CDH18: variants seen among roughly 807,000 people sequenced by gnomAD.
CDH18 encodes cadherin-18.
Under a neutral mutation model 67.9 loss-of-function variants are expected in CDH18, and 31 were observed. That is an observed-to-expected ratio of 0.46 (90% CI 0.34 to 0.62). The LOEUF (loss-of-function observed/expected upper bound fraction) is 0.62. CDH18 is among the 20% of genes least tolerant of loss of function. CDH18 has a pLI of 0.01. For missense variants in CDH18, 890 were observed against 975.5 expected, an observed-to-expected ratio of 0.91 and a Z score of 1.17; for synonymous variants, 362 against 347.2, an observed-to-expected ratio of 1.04 and a Z score of -0.48.
At chr5:19,839,694 T>C (rs1782059852) in intron 2 of CDH18, among the ~76,000 whole-genome samples, 1 of 152,108 alleles carries the variant, frequency 6.6e-6, no homozygotes, top group East Asian at 1.9e-4. Flanking sequence ...TTAAAATTAC[T>C]CCAGGTTTGG....
At chr5:19,937,006 G>A (rs1197058036) in intron 2 of CDH18, among the ~76,000 whole-genome samples, 1 of 151,106 alleles carries the variant, frequency 6.6e-6, no homozygotes, top group South Asian at 2.1e-4. Flanking sequence ...CTCTTTTCAA[G>A]TATTTATGTA....
chr5:20,379,793 GA>G (rs144337391), intron 1 of CDH18, among the ~76,000 whole-genome samples: 290 of 143,402 alleles, frequency 2.0e-3, no homozygotes, highest in African/African-American at 6.7e-3. Context: ...AGACAAATAT[GA>G]AAAAAAAACA....
chr5:20,080,598 T>C (rs1482853775), intron 2 of CDH18, among the ~76,000 whole-genome samples: 1 of 152,162 alleles, frequency 6.6e-6, no homozygotes, highest in Non-Finnish European at 1.5e-5. Flanking sequence ...CCTGAAATGA[T>C]TACATATTTA....
Position 19,715,300 on chromosome 5 carries a change from C to T in CDH18, c.643+6047G>A, listed in dbSNP as rs145953883. 4.8e-3 allele frequency among the ~76,000 whole-genome samples: 733 copies of T among 152,212 alleles called. 12 individuals carry two copies. Among genetic ancestry groups the T allele is most frequent in the Middle Eastern group, 0.021 (6 of 290 alleles). Reference sequence around the variant, plus strand: ...AAATAATGTTGAAAAACCTTGTTTTCAATTATATCCTACGAAATTCATTGA... The same window carrying T: ...AAATAATGTTGAAAAACCTTGTTTTTAATTATATCCTACGAAATTCATTGA... On this transcript the variant is annotated intron_variant, in intron 5 of 12. Transcript: ENST00000382275.
intron 9 of CDH18, among the ~76,000 whole-genome samples, chr5:19,537,060 T>G (rs1373639556): frequency 6.6e-6 from 1 of 152,216 alleles, no homozygotes; most frequent in East Asian, 1.9e-4. Flanking sequence ...CAGATATGTA[T>G]AGTTACACAT....
chr5:19,842,315 TG>T (rs34905230), intron 2 of CDH18, among the ~76,000 whole-genome samples: 1 of 152,156 alleles, frequency 6.6e-6, no homozygotes, highest in South Asian at 2.1e-4. Flanking sequence ...ATCCCCATTT[TG>T]GGAAAGGGAC....
chr5:19,520,908 A>G, intron 9 of CDH18, 130 bp from the exon 10 acceptor site: 1 of 907,136 alleles, frequency 1.1e-6, no homozygotes, highest in Non-Finnish European at 1.6e-6. Context: ...GGCAAACGAC[A>G]ACTTTATGAA....
intron 2 of CDH18, among the ~76,000 whole-genome samples, chr5:19,937,481 T>C (rs939699750): frequency 1.3e-4 from 20 of 151,384 alleles, no homozygotes; most frequent in African/African-American, 3.4e-4. Flanking sequence ...CTGCAGAAAA[T>C]AAACAGACAT....
chr5:20,119,377 C>T (rs1214941655), intron 2 of CDH18, among the ~76,000 whole-genome samples: 1 of 151,988 alleles, frequency 6.6e-6, no homozygotes, highest in African/African-American at 2.4e-5. Flanking sequence ...TTATATGTTG[C>T]CTTTCCACTA....
At chr5:19,859,093 G>A (rs1390646558) in intron 2 of CDH18, among the ~76,000 whole-genome samples, 1 of 152,096 alleles carries the variant, frequency 6.6e-6, no homozygotes, top group East Asian at 1.9e-4. Flanking sequence ...CAACGCCATT[G>A]TAAACCACAA....
chr5:20,543,722 CTT>C (rs1051035741), intron 1 of CDH18, among the ~76,000 whole-genome samples: 1 of 152,114 alleles, frequency 6.6e-6, no homozygotes, highest in Non-Finnish European at 1.5e-5. Flanking sequence ...CTTCCACAAA[CTT>C]TACTCTCTGA....
chr5:20,418,628 A>G (rs1000447655), intron 1 of CDH18, among the ~76,000 whole-genome samples: 1 of 141,014 alleles, frequency 7.1e-6, no homozygotes, highest in Non-Finnish European at 1.5e-5. Context: ...AACCCAATGG[A>G]TATATTTAAA....
At chr5:19,997,144 A>C (rs1736081360) in intron 2 of CDH18, among the ~76,000 whole-genome samples, 1 of 152,092 alleles carries the variant, frequency 6.6e-6, no homozygotes, top group Admixed American at 6.6e-5. Flanking sequence ...GTAGGTTTTA[A>C]ATAATAAAGA....
intron 1 of CDH18, among the ~76,000 whole-genome samples, chr5:20,451,800 C>G (rs1750471084): frequency 6.6e-6 from 1 of 151,988 alleles, no homozygotes; most frequent in Non-Finnish European, 1.5e-5. Flanking sequence ...CTTTTATTTT[C>G]AGTTTATTTC....
intron 1 of CDH18, among the ~76,000 whole-genome samples, chr5:20,444,518 C>A (rs1262608870): frequency 2.6e-5 from 4 of 152,168 alleles, no homozygotes; most frequent in Non-Finnish European, 5.9e-5. Flanking sequence ...GCCTGGGCAA[C>A]AGAGCAAGCC....
At chr5:19,624,003 T>TATC (rs1442155479) in intron 5 of CDH18, among the ~76,000 whole-genome samples, 1 of 147,772 alleles carries the variant, frequency 6.8e-6, no homozygotes, top group East Asian at 2.0e-4. Context: ...TTATTATTAT[T>TATC]ATTATTATTA....
At chr5:20,395,613 A>T (rs945887750) in intron 1 of CDH18, among the ~76,000 whole-genome samples, 3 of 152,196 alleles carry the variant, frequency 2.0e-5, no homozygotes, top group Non-Finnish European at 4.4e-5. Flanking sequence ...ATACAAATCA[A>T]AATTAAATAT....
intron 5 of CDH18, among the ~76,000 whole-genome samples, chr5:19,662,845 C>T (rs751712976): frequency 3.3e-5 from 5 of 151,956 alleles, no homozygotes; most frequent in Non-Finnish European, 7.4e-5. Context: ...TAAAATACTA[C>T]GTACGTGCGA....
chr5:20,052,752 A>G (rs1022370529), intron 2 of CDH18, among the ~76,000 whole-genome samples: 1 of 152,088 alleles, frequency 6.6e-6, no homozygotes, highest in African/African-American at 2.4e-5. Flanking sequence ...AGTAATAGAG[A>G]AAAGTTTCCC....
Sources: allele counts gnomAD v4.1 joint callset (sites outside exome capture counted in the v4.1 genomes callset), GRCh38; gene constraint gnomAD v4.1.1; transcripts MANE v1.5; gene names NCBI Gene and HGNC (gene_info 2026-07-23, HGNC 2026-07-21).